USH2A: variants seen among roughly 807,000 people sequenced by gnomAD.
USH2A encodes usherin.
Under a neutral mutation model 538.9 loss-of-function variants are expected in USH2A, and 443 were observed. The observed-to-expected ratio is 0.82, with a 90% CI of 0.76 to 0.89. USH2A has a LOEUF of 0.89. USH2A is among the 40% of genes least tolerant of loss of function. The pLI, the probability that USH2A is intolerant of heterozygous loss-of-function variation, is 0.00. For missense variants in USH2A, 6,633 were observed against 6,324.8 expected (o/e 1.05, Z -1.65); for synonymous variants, 2,413 against 2,273.5 (o/e 1.06, Z -1.75).
At chr1:215,640,802 A>C in intron 67 of USH2A, 68 bp from the exon 68 acceptor site, 1 of 1,416,152 alleles carries the variant, frequency 7.1e-7, no homozygotes, top group Non-Finnish European at 9.6e-7. Context: ...GTGCACTTTA[A>C]AAAAAAAAAA....
chr1:215,746,266 GGTGT>G (rs370783448), intron 58 of USH2A, among the ~76,000 whole-genome samples: 13 of 151,740 alleles, frequency 8.6e-5, no homozygotes, highest in Admixed American at 8.5e-4. Flanking sequence ...AGCGAGTGTG[GGTGT>G]GTGTGTGTGC....
At chr1:215,707,160 T>G (rs751748769) in intron 61 of USH2A, among the ~76,000 whole-genome samples, 14 of 152,206 alleles carry the variant, frequency 9.2e-5, no homozygotes, top group Non-Finnish European at 2.1e-4. Flanking sequence ...TTGAATGCAT[T>G]ATTAATTGTT....
At chr1:216,201,399 C>T (rs1055549477) in intron 16 of USH2A, among the ~76,000 whole-genome samples, 1 of 151,374 alleles carries the variant, frequency 6.6e-6, no homozygotes, top group Non-Finnish European at 1.5e-5. Flanking sequence ...ACTTCTGCCT[C>T]CCGGGTTCAA....
rs1158010100 is a variant in USH2A at position 215,648,637 on chromosome 1, G to A, written c.14473C>T (p.His4825Tyr). 9.3e-6 allele frequency: 15 copies of A among 1,614,092 alleles called. 1 individual carries two copies. The Admixed American group carries it at 2.5e-4, about 27-fold the overall frequency. Residue 4825 changes from histidine to tyrosine, a missense_variant, in exon 66 of 72, where the codon CAT (histidine) becomes TAT (tyrosine). Transcript: ENST00000307340. ...SKGPTAELRT[H>Y]PAPPSGLSSP... is the part of the protein sequence containing the mutation. ...GACAGTCCTGAGGGTGGGGCAGGAT[G>A]GGTTCTCAGTTCAGCTGTCGGTCCT...
chr1:216,349,069 G>A (rs963297795), intron 4 of USH2A, among the ~76,000 whole-genome samples: 3 of 152,084 alleles, frequency 2.0e-5, no homozygotes, highest in African/African-American at 7.2e-5. Flanking sequence ...TACTCTTTGT[G>A]TAGGATAAGC....
intron 32 of USH2A, among the ~76,000 whole-genome samples, chr1:216,037,937 T>C (rs114494738): frequency 2.6e-4 from 40 of 152,084 alleles, no homozygotes; most frequent in Non-Finnish European, 4.9e-4. Flanking sequence ...GAACATGTGG[T>C]ATTTGGTTTT....
At chr1:216,064,601 T>C (rs114420210) in intron 30 of USH2A, among the ~76,000 whole-genome samples, 2,295 of 152,222 alleles carry the variant, frequency 0.015, 51 homozygotes, top group African/African-American at 0.053. Flanking sequence ...CTACATAATG[T>C]TTTGGTCAAC....
rs17025444 is a variant in USH2A, at chr1:215,798,634, C to T, written c.9958+273G>A. Among the ~76,000 whole-genome samples the T allele has an allele frequency of 0.018, 2,758 of 152,054 alleles. 88 individuals carry two copies. Among genetic ancestry groups the T allele is most frequent in the African/African-American group, 0.063 (2,627 of 41,480 alleles). ...TTTGCTAGGAAATATTCTTTTCATT[C>T]ATAACCAATGCATTCATGTGTGGAA... On this transcript the variant is annotated intron_variant, in intron 50 of 71. Transcript: ENST00000307340.
chr1:215,899,381 T>C (rs150086252), intron 40 of USH2A, among the ~76,000 whole-genome samples: 2 of 152,338 alleles, frequency 1.3e-5, no homozygotes, highest in East Asian at 1.9e-4. Flanking sequence ...CTTGATTTAA[T>C]TTCTAACTTT....
intron 44 of USH2A, among the ~76,000 whole-genome samples, chr1:215,847,944 G>A (rs181131120): frequency 1.3e-5 from 2 of 152,284 alleles, no homozygotes; most frequent in Admixed American, 6.5e-5. Context: ...TGATGTGCCA[G>A]TGTAGTTGGA....
rs1416457172 is a variant in USH2A, at chr1:215,675,186, G to A, written c.12725C>T (p.Thr4242Ile). The change falls in exon 63 of 72, where the codon ACT becomes ATT. Residue 4242 changes from threonine to isoleucine, a missense_variant. Physicochemically the swap from Thr to Ile is moderately conservative, Grantham distance 89 (BLOSUM62 -1). Coordinates refer to ENST00000307340, the MANE Select transcript of USH2A (RefSeq NM_206933.4). ...ACAGGTATGCCCAGCTGAATTCCAA[G>A]TGTAGATTTTATATTCACACTGCGT... The part of the protein sequence containing the change: ...PWTQCEYKIY[T>I]WNSAGHTCSS... 6.2e-7 allele frequency: 1 copy of A among 1,614,112 alleles called. No individual in the cohort carries two copies. The highest frequency in any genetic ancestry group is 1.7e-5 in the Admixed American group (1 of 60,014).
intron 71 of USH2A, among the ~76,000 whole-genome samples, chr1:215,626,309 ATATGTATGTATG>A (rs957763142): frequency 2.0e-5 from 3 of 150,072 alleles, no homozygotes; most frequent in Non-Finnish European, 4.4e-5. Context: ...CTATATATAT[ATATGTATGTATG>A]TATGTATGTA....
intron 21 of USH2A, among the ~76,000 whole-genome samples, chr1:216,114,741 C>CA (rs2032962246): frequency 6.6e-6 from 1 of 152,116 alleles, no homozygotes; most frequent in Admixed American, 6.5e-5. Flanking sequence ...TTCACCAGTG[C>CA]AAACACCAAT....
chr1:216,008,108 T>A (rs1041803333), intron 32 of USH2A, among the ~76,000 whole-genome samples: 2 of 152,150 alleles, frequency 1.3e-5, no homozygotes, highest in African/African-American at 4.8e-5. Flanking sequence ...TAGGTCAGAT[T>A]TCTGGTTTGG....
At chr1:215,960,619 T>C (rs180734483) in intron 37 of USH2A, among the ~76,000 whole-genome samples, 9 of 152,208 alleles carry the variant, frequency 5.9e-5, no homozygotes, top group Non-Finnish European at 1.3e-4. Flanking sequence ...CATAATTGAA[T>C]AGATGTTTCA....
chr1:215,997,522 T>G (rs1668168675), intron 34 of USH2A, among the ~76,000 whole-genome samples: 1 of 152,116 alleles, frequency 6.6e-6, no homozygotes, highest in Non-Finnish European at 1.5e-5. Flanking sequence ...GAATTAATAC[T>G]CAGGGCAGAG....
intron 11 of USH2A, among the ~76,000 whole-genome samples, chr1:216,260,371 T>C (rs535887986): frequency 1.3e-5 from 2 of 152,250 alleles, no homozygotes; most frequent in Admixed American, 1.3e-4. Flanking sequence ...TTGAAGATAA[T>C]GAAACATTGA....
At chr1:215,872,835 A>G (rs1664658628) in intron 43 of USH2A, among the ~76,000 whole-genome samples, 2 of 151,870 alleles carry the variant, frequency 1.3e-5, no homozygotes, top group South Asian at 4.2e-4. Flanking sequence ...TGGTTGTTTA[A>G]GAGCATGGCA....
intron 3 of USH2A, among the ~76,000 whole-genome samples, chr1:216,372,375 C>T (rs1481914021): frequency 5.9e-5 from 9 of 152,108 alleles, no homozygotes; most frequent in African/African-American, 2.2e-4. Context: ...CTCTGAGTAA[C>T]TCAGACAAGC....
Sources: gnomAD v4.1 joint callset for allele counts (sites outside exome capture counted in the v4.1 genomes callset) on GRCh38, gnomAD v4.1.1 for gene constraint, MANE v1.5 for transcripts, NCBI Gene and HGNC (gene_info 2026-07-23, HGNC 2026-07-21) for gene names.